The following ADCY9 variants were observed in gnomAD, a reference collection of about 807,000 sequenced individuals.
ADCY9 encodes adenylate cyclase 9, also known as adenylate cyclase type 9.
In ADCY9, 50 loss-of-function variants were observed where a neutral mutation model predicts 101.5. That is an observed-to-expected ratio of 0.49 (90% CI 0.39 to 0.62). The LOEUF (loss-of-function observed/expected upper bound fraction) is 0.62. Among genes scored for constraint, ADCY9 ranks in the 20% least tolerant of loss-of-function variants. The pLI is 0.00. For synonymous variants in ADCY9, 905 were observed against 769.3 expected (o/e 1.18, Z -2.92); for missense variants, 1,662 against 1,800.4 (o/e 0.92, Z 1.39).
chr16:3,981,373 C>T (rs867856898), intron 7 of ADCY9, among the ~76,000 whole-genome samples: 10 of 152,282 alleles, frequency 6.6e-5, no homozygotes, highest in Admixed American at 1.3e-4. Flanking sequence ...CCTCAAGACG[C>T]TACAGCTACC....
chr16:3,973,825 C>A (rs1044840602), intron 10 of ADCY9, among the ~76,000 whole-genome samples: 1 of 151,190 alleles, frequency 6.6e-6, no homozygotes, highest in Admixed American at 6.6e-5. Flanking sequence ...CTCTCCCTTC[C>A]TCTCAAATCT....
chr16:3,967,746 A>G (rs1003700594), intron 10 of ADCY9, among the ~76,000 whole-genome samples: 4 of 142,756 alleles, frequency 2.8e-5, no homozygotes, highest in Non-Finnish European at 4.5e-5. Context: ...TGCCCAGGCT[A>G]GAGTGCAGTG....
At chr16:3,990,287 G>T (rs572652108) in intron 5 of ADCY9, among the ~76,000 whole-genome samples, 4 of 152,132 alleles carry the variant, frequency 2.6e-5, no homozygotes, top group African/African-American at 9.6e-5. Context: ...CCAACATGGT[G>T]AACCCCCGTT....
chr16:4,014,258 G>A (rs2056422743), intron 2 of ADCY9, among the ~76,000 whole-genome samples: 1 of 151,028 alleles, frequency 6.6e-6, no homozygotes, highest in Admixed American at 6.6e-5. Context: ...GGCGGAGGTT[G>A]CAGTCAGCCG....
intron 3 of ADCY9, among the ~76,000 whole-genome samples, chr16:4,003,456 T>A (rs76113321): frequency 0.11 from 16,495 of 152,140 alleles, 960 homozygotes; most frequent in Non-Finnish European, 0.12. Context: ...CAGGCACCAT[T>A]CCGGCTCATC....
chr16:4,073,275 C>T (rs926019564), intron 2 of ADCY9, among the ~76,000 whole-genome samples: 1 of 151,146 alleles, frequency 6.6e-6, no homozygotes, highest in Non-Finnish European at 1.5e-5. Flanking sequence ...TTGGTAGAGA[C>T]GGGGTTTCGC....
At position 4,115,380 on chromosome 16, in the gene ADCY9, G is replaced by A. The variant is rs777497334; in HGVS notation, c.63C>T (p.Ser21=). 3.1e-6 allele frequency: 5 copies of A among 1,602,328 alleles called. No homozygotes were observed. In the South Asian group the frequency reaches 4.5e-5, roughly 14 times the overall value. Residue 21 remains serine, a synonymous_variant, in exon 2 of 11, where the codon TCC becomes TCT. Coordinates refer to ENST00000294016, the MANE Select transcript of ADCY9 (RefSeq NM_001116.4). This position sits in a 1 kb window ranked among gnomAD's most constrained non-coding sequence, Gnocchi z 6.2. ...HHHSTEVSCD[S]SGDSNSVRVK... is the part of the protein sequence containing the mutation. ...CGCGCACGCTGTTGCTGTCCCCGCT[G>A]GAGTCGCAGCTCACCTCGGTGCTGT...
chr16:4,115,916 C>G lies in ADCY9; in HGVS notation c.-270G>C. On this transcript the variant is annotated 5_prime_UTR_variant, in exon 1 of 11. Transcript: ENST00000294016. The surrounding 1 kb of genome is among the most constrained non-coding windows in gnomAD (Gnocchi z 6.2). Reference sequence around the variant, plus strand: ...AACAACTCCGCTGGCGGCGCGGAGCCCTCCATCCTGCAGGAGCCGCGCTCC... The same window carrying G: ...AACAACTCCGCTGGCGGCGCGGAGCGCTCCATCCTGCAGGAGCCGCGCTCC... The G allele has an allele frequency of 2.6e-6, 1 of 391,208 alleles. No homozygotes were observed. The highest frequency in any genetic ancestry group is 4.5e-6 in the Non-Finnish European group (1 of 221,406). The allele number at this position is 391,208 out of a possible 1,614,324, so 24.2% of individuals were successfully genotyped here.
chr16:4,022,909 C>T (rs866255654), intron 2 of ADCY9, among the ~76,000 whole-genome samples: 14 of 152,232 alleles, frequency 9.2e-5, no homozygotes, highest in Non-Finnish European at 1.9e-4. Flanking sequence ...TGAGATTAGA[C>T]CTATTCTAAA....
At chr16:4,033,579 G>A (rs1243582437) in intron 2 of ADCY9, among the ~76,000 whole-genome samples, 3 of 151,856 alleles carry the variant, frequency 2.0e-5, no homozygotes, top group Admixed American at 6.6e-5. Context: ...GACTACAGAC[G>A]CTAATTTTTT....
intron 2 of ADCY9, among the ~76,000 whole-genome samples, chr16:4,089,983 C>T (rs981500745): frequency 6.6e-6 from 1 of 152,128 alleles, no homozygotes; most frequent in Non-Finnish European, 1.5e-5. Flanking sequence ...GTAAACCACA[C>T]TTGCTGGGAC....
chr16:4,086,118 T>G (rs1597216550), intron 2 of ADCY9, among the ~76,000 whole-genome samples: 1 of 148,196 alleles, frequency 6.7e-6, no homozygotes. Context: ...TGCTTGGGGG[T>G]GGGGAAGGTG....
chr16:4,009,400 C>T (rs73490533), intron 2 of ADCY9, among the ~76,000 whole-genome samples: 8,928 of 152,206 alleles, frequency 0.059, 450 homozygotes, highest in African/African-American at 0.14. Flanking sequence ...GGACTACAAA[C>T]GTCCGCCACT....
At chr16:4,042,450 T>G (rs892302932) in intron 2 of ADCY9, among the ~76,000 whole-genome samples, 1 of 152,188 alleles carries the variant, frequency 6.6e-6, no homozygotes, top group Non-Finnish European at 1.5e-5. Flanking sequence ...CAAAATGAAT[T>G]CTTAGGATAT....
chr16:4,049,260 T>C (rs2056685584), intron 2 of ADCY9, among the ~76,000 whole-genome samples: 1 of 152,196 alleles, frequency 6.6e-6, no homozygotes, highest in Admixed American at 6.5e-5. Flanking sequence ...GAACCTGACC[T>C]GGGACCAGAG....
At chr16:4,097,558 T>TATATATATATACA (rs1460628544) in intron 2 of ADCY9, among the ~76,000 whole-genome samples, 17 of 92,444 alleles carry the variant, frequency 1.8e-4, no homozygotes, top group African/African-American at 9.0e-4. Context: ...TATATATTTT[T>TATATATATATACA]TTTTTTTTTT....
intron 2 of ADCY9, among the ~76,000 whole-genome samples, chr16:4,042,874 G>T (rs1304990256): frequency 3.3e-5 from 5 of 152,196 alleles, no homozygotes; most frequent in Admixed American, 1.3e-4. Flanking sequence ...TCAACTGTAT[G>T]ATTTGGGCAA....
At chr16:4,006,146 G>A (rs572540954) in intron 3 of ADCY9, among the ~76,000 whole-genome samples, 2 of 152,316 alleles carry the variant, frequency 1.3e-5, no homozygotes, top group East Asian at 1.9e-4. Context: ...ACTGGGCCAT[G>A]TCTGGAGACA....
intron 2 of ADCY9, among the ~76,000 whole-genome samples, chr16:4,016,245 A>C (rs2056437920): frequency 6.6e-6 from 1 of 152,228 alleles, no homozygotes. Flanking sequence ...CAGACAACAA[A>C]ATGGAAATGA....
Sources: gnomAD v4.1 joint callset for allele counts (sites outside exome capture counted in the v4.1 genomes callset) on GRCh38, gnomAD v4.1.1 for gene constraint, Gnocchi (gnomAD v3.1) non-coding constraint, MANE v1.5 for transcripts, NCBI Gene and HGNC (gene_info 2026-07-23, HGNC 2026-07-21) for gene names.